EVC: variants seen among roughly 807,000 people sequenced by gnomAD.
The protein encoded by EVC is EvC ciliary complex subunit 1, also known as evC complex member EVC.
EVC carries 116 observed loss-of-function variants against 118.9 expected under a neutral mutation model. The observed-to-expected ratio is 0.98, with a 90% CI of 0.84 to 1.14. The LOEUF is 1.14. Ranked by LOEUF, EVC falls within the 50% of genes most tolerant of loss-of-function variation. The probability of loss-of-function intolerance (pLI) is 0.00; values close to 1 mark genes in which losing one functional copy is unlikely to be tolerated. For missense variants in EVC, 1,401 were observed against 1,246.4 expected (o/e 1.12, Z -1.87); for synonymous variants, 619 against 534.7 (o/e 1.16, Z -2.18).
rs141546213 is a variant in EVC at position 5,793,540 on chromosome 4, A to AT, written c.1777-67dup. ...ACACAAACAAGAAACAAAATGCACA[A>AT]TCCTAGCAAGCAGGATTGTTGAAGT... On this transcript the variant is annotated intron_variant, in intron 12 of 20. Transcript: ENST00000264956. 1.4e-3 allele frequency: 1,901 copies of AT among 1,342,142 alleles called. 19 individuals are homozygous for AT. In the African/African-American group the frequency reaches 0.024, roughly 17 times the overall value. 83.1% of individuals were successfully genotyped at this position (1,342,142 alleles called of 1,614,324 possible). A position where few individuals can be genotyped will look rare whatever the true frequency, so the allele number is the denominator to read the frequency against.
At chr4:5,769,170 C>A (rs1733535392) in intron 11 of EVC, among the ~76,000 whole-genome samples, 1 of 151,740 alleles carries the variant, frequency 6.6e-6, no homozygotes, top group African/African-American at 2.4e-5. Context: ...GGGGAGGCCT[C>A]ACAGTTATGG....
At chr4:5,818,879 A>G (rs1342490499), downstream of EVC, among the ~76,000 whole-genome samples, 1 of 152,230 alleles carries the variant, frequency 6.6e-6, no homozygotes, top group Non-Finnish European at 1.5e-5. Flanking sequence ...AAAATCGGTA[A>G]CAGAAGTGGG....
At chr4:5,804,865 C>G (rs752023515) in intron 17 of EVC, 24 bp downstream of exon 17, 54 of 1,583,694 alleles carry the variant, frequency 3.4e-5, no homozygotes, top group Non-Finnish European at 4.4e-5. Context: ...TGAGGTCCCA[C>G]GTAGGGCTGT....
chr4:5,780,660 A>C (rs1391731401), intron 11 of EVC, among the ~76,000 whole-genome samples: 7 of 152,204 alleles, frequency 4.6e-5, no homozygotes, highest in African/African-American at 1.7e-4. Flanking sequence ...CTTGTCCATG[A>C]GAAGGACAAT....
At position 5,713,676 on chromosome 4, in the gene EVC, C is replaced by CAAA. The variant is rs35032068; in HGVS notation, c.174+2142_174+2144dup. On this transcript the variant is annotated intron_variant, in intron 1 of 20. Coordinates refer to ENST00000264956, the MANE Select transcript of EVC (RefSeq NM_153717.3). ...TGGGCGATAGAGCAAGGCTCCGTCT[C>CAAA]AAAAAAAAAAAAAAAAAAAAAATTA... Among the ~76,000 whole-genome samples, 116 of 71,486 alleles carry CAAA rather than the reference C, an allele frequency of 1.6e-3. 3 individuals are homozygous for CAAA. The highest frequency in any genetic ancestry group is 0.023 in the Middle Eastern group (2 of 86). The allele number at this position is 71,486 out of a possible 152,430, so 46.9% of individuals were successfully genotyped here.
At chr4:5,778,815 CT>C (rs1268275902) in intron 11 of EVC, among the ~76,000 whole-genome samples, 1 of 152,072 alleles carries the variant, frequency 6.6e-6, no homozygotes, top group Non-Finnish European at 1.5e-5. Flanking sequence ...ATGGTAGTTT[CT>C]TTTGCTGTGC....
At chr4:5,773,113 G>C (rs975438598) in intron 11 of EVC, among the ~76,000 whole-genome samples, 2 of 152,212 alleles carry the variant, frequency 1.3e-5, no homozygotes, top group African/African-American at 4.8e-5. Context: ...GCCTGCGGTA[G>C]GTGCCAGGAG....
In EVC at chr4:5,809,527, C is replaced by A; in HGVS notation, c.2698C>A (p.Gln900Lys). Residue 900 changes from glutamine to lysine, a missense_variant, in exon 19 of 21, where the codon CAG (glutamine) becomes AAG (lysine). Physicochemically the swap from Gln to Lys is moderately conservative, Grantham distance 53 (BLOSUM62 1). Coordinates refer to ENST00000264956, the MANE Select transcript of EVC (RefSeq NM_153717.3). The part of the protein sequence containing the change: ...QLETQLQEAE[Q>K]NFISELAALA... Reference sequence around the variant, plus strand: ...TCTGCTTGCATTTCAGGAAGCTGAACAGAACTTCATCTCCGAGCTGGCAGC... The same window carrying A: ...TCTGCTTGCATTTCAGGAAGCTGAAAAGAACTTCATCTCCGAGCTGGCAGC... 1 of 1,614,190 alleles carries A rather than the reference C, an allele frequency of 6.2e-7. No homozygotes were observed.
In EVC at chr4:5,778,569, T is replaced by G. The variant is rs558744021; in HGVS notation, c.1564-4983T>G. Among the ~76,000 whole-genome samples, 4 of 152,344 alleles carry G rather than the reference T, an allele frequency of 2.6e-5. No individual in the cohort carries two copies. In the East Asian group the frequency reaches 5.8e-4, roughly 22 times the overall value. On this transcript the variant is annotated intron_variant, in intron 11 of 20. Transcript: ENST00000264956. ...GATGATAACTCATTGTGGTTTTGAT[T>G]TGCATTTCTCTGATGGCCATTGATG...
At chr4:5,732,081 C>T (rs1048881528) in intron 4 of EVC, among the ~76,000 whole-genome samples, 8 of 141,290 alleles carry the variant, frequency 5.7e-5, no homozygotes, top group African/African-American at 7.4e-5. Flanking sequence ...GAATGAATTC[C>T]GTTTAACACC....
chr4:5,761,106 C>T (rs1192862913), intron 11 of EVC, among the ~76,000 whole-genome samples: 1 of 152,112 alleles, frequency 6.6e-6, no homozygotes, highest in Non-Finnish European at 1.5e-5. Context: ...GGGCCAGAGC[C>T]TGGACTGTTC....
At chr4:5,740,207 A>G (rs924825796) in intron 5 of EVC, among the ~76,000 whole-genome samples, 12 of 152,198 alleles carry the variant, frequency 7.9e-5, no homozygotes, top group African/African-American at 2.7e-4. Context: ...TGGTTGGCTC[A>G]CGCCTATAAT....
At chr4:5,816,711 C>G (rs547516356), downstream of EVC, among the ~76,000 whole-genome samples, 1 of 148,796 alleles carries the variant, frequency 6.7e-6, no homozygotes, top group African/African-American at 2.5e-5. Context: ...TCTCTCCCCT[C>G]CCTCTCTCCC....
chr4:5,748,602 A>AT (rs1729787293), intron 8 of EVC, among the ~76,000 whole-genome samples: 1 of 132,080 alleles, frequency 7.6e-6, no homozygotes, highest in African/African-American at 2.9e-5. Context: ...CCATCCATCC[A>AT]CCCATCCATC....
downstream of EVC, among the ~76,000 whole-genome samples, chr4:5,815,566 C>T (rs893830549): frequency 1.3e-5 from 2 of 152,114 alleles, no homozygotes; most frequent in African/African-American, 2.4e-5. Flanking sequence ...CCTTCCCAGA[C>T]TGGCCAATCA....
chr4:5,734,731 C>G (rs973935868), intron 5 of EVC, among the ~76,000 whole-genome samples: 1 of 152,206 alleles, frequency 6.6e-6, no homozygotes, highest in Non-Finnish European at 1.5e-5. Flanking sequence ...GCAGGACTGA[C>G]TGGCCTCATA....
intron 11 of EVC, among the ~76,000 whole-genome samples, chr4:5,778,922 A>G (rs868812962): frequency 0.024 from 3,634 of 152,138 alleles, 150 homozygotes; most frequent in African/African-American, 0.076. Context: ...GCACATGCCT[A>G]TGTCCTGAAT....
At chr4:5,740,470 C>CAAAA (rs59318619) in intron 5 of EVC, among the ~76,000 whole-genome samples, 4 of 105,574 alleles carry the variant, frequency 3.8e-5, no homozygotes, top group African/African-American at 1.0e-4. Context: ...TACTCCATCT[C>CAAAA]AAAAAAAAAA....
chr4:5,787,663 A>T (rs1711945754), intron 12 of EVC, among the ~76,000 whole-genome samples: 1 of 152,216 alleles, frequency 6.6e-6, no homozygotes, highest in Admixed American at 6.5e-5. Context: ...TTTGTAATAA[A>T]GTGTTATAGC....
Sources: gnomAD v4.1 joint callset for allele counts (sites outside exome capture counted in the v4.1 genomes callset) on GRCh38, gnomAD v4.1.1 for gene constraint, MANE v1.5 for transcripts, NCBI Gene and HGNC (gene_info 2026-07-23, HGNC 2026-07-21) for gene names.